Variants in TANC2 observed in about 807,000 individuals in gnomAD.
The protein encoded by TANC2 is protein TANC2.
Under a neutral mutation model 210.5 loss-of-function variants are expected in TANC2, and 26 were observed. That is an observed-to-expected ratio of 0.12 (90% CI 0.09 to 0.17). TANC2 has a LOEUF of 0.17. TANC2 is among the 10% of genes least tolerant of loss of function. The pLI is 1.00. For synonymous variants in TANC2, 931 were observed against 967.1 expected (o/e 0.96, Z 0.69); for missense variants, 2,129 against 2,608.9 (o/e 0.82, Z 4.01).
intron 5 of TANC2, among the ~76,000 whole-genome samples, chr17:63,156,490 A>G (rs762632257): frequency 3.9e-5 from 6 of 152,106 alleles, no homozygotes; most frequent in Non-Finnish European, 7.4e-5. Context: ...TAGTGGATAG[A>G]CTTGAGAGGA....
chr17:63,240,688 G>A (rs539085397), intron 8 of TANC2, among the ~76,000 whole-genome samples: 12 of 152,272 alleles, frequency 7.9e-5, no homozygotes, highest in East Asian at 5.8e-4. Flanking sequence ...GTCTCAGAAA[G>A]CCATCAGGAC....
intron 19 of TANC2, among the ~76,000 whole-genome samples, chr17:63,400,449 C>T (rs1380015542): frequency 1.3e-5 from 2 of 151,946 alleles, no homozygotes; most frequent in Admixed American, 6.6e-5. Context: ...TTAAAGTATA[C>T]AATAAATTTT....
Position 63,398,808 on chromosome 17 carries a change from C to T in TANC2, c.3238-13C>T. On this transcript the variant is annotated splice_polypyrimidine_tract_variant and intron_variant, in intron 18 of 27. Coordinates refer to ENST00000689528, the Ensembl canonical transcript of TANC2. ...CCACCTGAAGTTTGAGCTGACACAACTTCTTGTTTCAGATTGTCTCCTACC... is the reference window on the plus strand; with the variant it reads ...CCACCTGAAGTTTGAGCTGACACAATTTCTTGTTTCAGATTGTCTCCTACC... 2 of 1,560,566 alleles carry T rather than the reference C, an allele frequency of 1.3e-6. No individual in the cohort carries two copies. Among genetic ancestry groups the T allele is most frequent in the Non-Finnish European group, 1.7e-6 (2 of 1,149,810 alleles).
At chr17:63,220,514 C>G (rs2042142189) in intron 7 of TANC2, among the ~76,000 whole-genome samples, 1 of 151,198 alleles carries the variant, frequency 6.6e-6, no homozygotes, top group African/African-American at 2.4e-5. Flanking sequence ...CCAGCCTGGC[C>G]AGCATGGTGA....
In TANC2 at chr17:63,316,947, GTTATTAATATAAGTTA is replaced by G. The variant is rs976116711; in HGVS notation, c.1442-2005_1442-1990del. Among the ~76,000 whole-genome samples, 27 of 54,136 alleles carry G rather than the reference GTTATTAATATAAGTTA, an allele frequency of 5.0e-4. No homozygotes were observed. The African/African-American group carries it at 0.011, about 23-fold the overall frequency. The allele number at this position is 54,136 out of a possible 152,430, so 35.5% of individuals were successfully genotyped here. ...TGGCTTAATTTTTTACAGAATATAA[GTTATTAATATAAGTTA>G]TTATATTAAACTTAATATAAGTTAT... On this transcript the variant is annotated intron_variant, in intron 10 of 27. Coordinates refer to ENST00000689528, the Ensembl canonical transcript of TANC2.
At chr17:63,017,939 G>A (rs552480733) in intron 2 of TANC2, among the ~76,000 whole-genome samples, 15 of 151,780 alleles carry the variant, frequency 9.9e-5, no homozygotes, top group African/African-American at 3.4e-4. Flanking sequence ...GCCAGAGATT[G>A]GAGACCAGCC....
chr17:63,076,059 C>T (rs1429372972), intron 3 of TANC2, among the ~76,000 whole-genome samples: 2 of 152,104 alleles, frequency 1.3e-5, no homozygotes, highest in African/African-American at 2.4e-5. Flanking sequence ...CTCGAGAGGT[C>T]TCAAAAAGCT....
At chr17:63,089,840 TAA>T (rs1205823518) in intron 3 of TANC2, among the ~76,000 whole-genome samples, 1 of 152,200 alleles carries the variant, frequency 6.6e-6, no homozygotes, top group East Asian at 1.9e-4. Flanking sequence ...GCTGTTATTT[TAA>T]AAGTGTACTT....
At chr17:63,183,743 C>T (rs1320565688) in intron 5 of TANC2, among the ~76,000 whole-genome samples, 7 of 152,070 alleles carry the variant, frequency 4.6e-5, no homozygotes, top group Non-Finnish European at 8.8e-5. Flanking sequence ...GCAGGCTGGG[C>T]GCGGTGGCTC....
intron 5 of TANC2, among the ~76,000 whole-genome samples, chr17:63,165,818 A>G (rs2040192508): frequency 6.6e-6 from 1 of 152,234 alleles, no homozygotes; most frequent in Non-Finnish European, 1.5e-5. Flanking sequence ...ATATGGAAAT[A>G]TAACACTGCA....
At chr17:63,037,864 A>G (rs1028543132) in intron 2 of TANC2, among the ~76,000 whole-genome samples, 5 of 152,058 alleles carry the variant, frequency 3.3e-5, no homozygotes, top group East Asian at 1.9e-4. Flanking sequence ...TTTGTATCCT[A>G]TGACTTTGCT....
intron 3 of TANC2, among the ~76,000 whole-genome samples, chr17:63,077,888 A>G (rs548842255): frequency 6.6e-6 from 1 of 152,244 alleles, no homozygotes; most frequent in East Asian, 1.9e-4. Flanking sequence ...TTGTTTTTGT[A>G]TGGTTGGTGT....
intron 11 of TANC2, 129 bp from the exon 12 acceptor site, chr17:63,339,972 G>A (rs1422047755): frequency 1.0e-4 from 70 of 678,844 alleles, no homozygotes; most frequent in Non-Finnish European, 5.9e-5. Flanking sequence ...GAGGAATGAA[G>A]AGACAAAAAA....
chr17:63,027,756 A>G (rs887668984), intron 2 of TANC2, among the ~76,000 whole-genome samples: 1 of 152,146 alleles, frequency 6.6e-6, no homozygotes, highest in African/African-American at 2.4e-5. Flanking sequence ...TAGTTTTAAA[A>G]TTGGTATGAT....
chr17:63,400,423 T>A (rs1357703092), intron 19 of TANC2, among the ~76,000 whole-genome samples: 1 of 152,236 alleles, frequency 6.6e-6, no homozygotes, highest in Non-Finnish European at 1.5e-5. Flanking sequence ...TCAGGATTTT[T>A]AAAATATTTT....
chr17:63,207,211 CTTTTTTT>C (rs948663767), intron 7 of TANC2, among the ~76,000 whole-genome samples: 57 of 113,802 alleles, frequency 5.0e-4, no homozygotes, highest in Admixed American at 2.7e-3. Flanking sequence ...TTTTTTTTTC[CTTTTTTT>C]TTTTTTTTTT....
At chr17:63,296,953 C>G (rs547848563) in intron 9 of TANC2, among the ~76,000 whole-genome samples, 35 of 152,084 alleles carry the variant, frequency 2.3e-4, no homozygotes, top group African/African-American at 3.6e-4. Context: ...TAAATGTGCA[C>G]TTGAGAGTCT....
intron 6 of TANC2, among the ~76,000 whole-genome samples, chr17:63,198,909 T>C (rs183701839): frequency 6.6e-6 from 1 of 152,346 alleles, no homozygotes; most frequent in East Asian, 1.9e-4. Flanking sequence ...TGGATACGTT[T>C]GAGAGCTTAC....
chr17:63,427,229 T>G (rs2049166879), exon 28 of TANC2: 1 of 152,258 alleles, frequency 6.6e-6, no homozygotes, highest in Non-Finnish European at 1.5e-5. Context: ...TGATTTTAAT[T>G]AGTACAGACA....
Sources: allele counts gnomAD v4.1 joint callset (sites outside exome capture counted in the v4.1 genomes callset), GRCh38; gene constraint gnomAD v4.1.1; transcripts MANE v1.5; gene names NCBI Gene and HGNC (gene_info 2026-07-23, HGNC 2026-07-21).